MOK: variants seen among roughly 807,000 people sequenced by gnomAD.
MOK encodes MOK protein kinase.
MOK carries 59 observed loss-of-function variants against 54.2 expected under a neutral mutation model. The observed-to-expected ratio is 1.09, with a 90% CI of 0.88 to 1.35. The LOEUF (loss-of-function observed/expected upper bound fraction) is 1.35. Among genes scored for constraint, MOK ranks in the 40% most tolerant of loss-of-function variants. The pLI is 0.00. For synonymous variants in MOK, 210 were observed against 202.7 expected, an observed-to-expected ratio of 1.04 and a Z score of -0.31; for missense variants, 517 against 526.2, an observed-to-expected ratio of 0.98 and a Z score of 0.17.
downstream of MOK, chr14:102,225,435 G>T (rs772727231): frequency 2.6e-5 from 4 of 152,190 alleles, no homozygotes; most frequent in Non-Finnish European, 5.9e-5. Context: ...GAAGTGGCAG[G>T]TGAAAGTTTA....
In MOK at chr14:102,281,085, A is replaced by G. The variant is rs10140129; in HGVS notation, c.122+2393T>C. ...ACACCTGTAATCCCTGCACTTTGGG[A>G]GGCCAAGGTGGGCAGATCACTTGAG... On this transcript the variant is annotated intron_variant, in intron 2 of 11. Transcript: ENST00000361847. Among the ~76,000 whole-genome samples, 1,103 of 152,266 alleles carry G rather than the reference A, an allele frequency of 7.2e-3. 14 individuals are homozygous for G. The highest frequency in any genetic ancestry group is 0.025 in the African/African-American group (1,052 of 41,560).
chr14:102,219,372 G>A, the MOK span, among the ~76,000 whole-genome samples: 29 of 152,332 alleles, frequency 1.9e-4, no homozygotes, highest in East Asian at 1.9e-3. Flanking sequence ...GCAGGGCGCC[G>A]AGGCCCCTTC....
In MOK at chr14:102,251,924, T is replaced by G; in HGVS notation, c.355A>C (p.Ile119Leu). 1 of 1,601,228 alleles carries G rather than the reference T, an allele frequency of 6.2e-7. No homozygotes were observed. ...MYQLCKSLDHIHRNGIFHRDV... is the reference protein window; with the variant it reads ...MYQLCKSLDHLHRNGIFHRDV... ...AAATCTCCGAGAGCATACCTGTGAA[T>G]ATGATCCAGGGACTTACATAACTGG... Residue 119 changes from isoleucine (I) to leucine (L), a missense_variant, in exon 5 of 12, where the codon ATT (isoleucine) becomes CTT (leucine). Coordinates refer to ENST00000361847, the MANE Select transcript of MOK (RefSeq NM_014226.3).
At chr14:102,273,631 T>G (rs889966363) in intron 2 of MOK, among the ~76,000 whole-genome samples, 3 of 151,948 alleles carry the variant, frequency 2.0e-5, no homozygotes, top group African/African-American at 7.3e-5. Flanking sequence ...ATACAAAAAT[T>G]AGCTGGGCAT....
rs2064454211 is a variant in MOK at position 102,229,468 on chromosome 14, C to T, written c.1171G>A (p.Ala391Thr). 6.2e-7 allele frequency: 1 copy of T among 1,614,180 alleles called. No individual in the cohort carries two copies. The highest frequency in any genetic ancestry group is 1.1e-5 in the South Asian group (1 of 91,092). Reference protein sequence around the residue: ...PVLRPLKCIPASKKTDPQKDL... With the variant: ...PVLRPLKCIPTSKKTDPQKDL... The stretch of plus-strand genomic sequence containing the variant: ...TGGTTCCGCGCTACCTTCTTGCTCG[C>T]AGGGATGCACTTCAAGGGTCTCAGC... The change falls in exon 11 of 12, where the codon GCG becomes ACG. Residue 391 changes from alanine to threonine, a missense_variant. By Grantham distance (58) the Ala-to-Thr change is moderately conservative. Coordinates refer to ENST00000361847, the MANE Select transcript of MOK (RefSeq NM_014226.3).
At chr14:102,273,275 T>C (rs1315140947) in intron 2 of MOK, among the ~76,000 whole-genome samples, 1 of 117,134 alleles carries the variant, frequency 8.5e-6, no homozygotes, top group African/African-American at 3.6e-5. Context: ...CAAAACATAC[T>C]AGAACAAAAA....
At chr14:102,224,037 ATTTTTTT>A (rs533802492), downstream of MOK, among the ~76,000 whole-genome samples, 2 of 123,124 alleles carry the variant, frequency 1.6e-5, no homozygotes, top group South Asian at 2.7e-4. Context: ...TTTACCTGAG[ATTTTTTT>A]TTTTTTTTTT....
chr14:102,225,966 G>A (rs556957378), downstream of MOK: 6 of 308,864 alleles, frequency 1.9e-5, no homozygotes, highest in South Asian at 2.5e-4. Context: ...CGGGGATTAG[G>A]CCCAGAAGAA....
At chr14:102,287,159 G>C (rs1278742898) in intron 1 of MOK, among the ~76,000 whole-genome samples, 1 of 152,232 alleles carries the variant, frequency 6.6e-6, no homozygotes, top group Non-Finnish European at 1.5e-5. Context: ...GATCACTGCT[G>C]AAATTCGGTG....
In MOK at chr14:102,241,555, G is replaced by A. The variant is rs137898108; in HGVS notation, c.591-7766C>T. Among the ~76,000 whole-genome samples the A allele has an allele frequency of 5.7e-3, 867 of 152,250 alleles. 18 individuals are homozygous for A. The highest frequency in any genetic ancestry group is 0.035 in the East Asian group (180 of 5,176). ...AAAAACTCAACCCAGTTCATGGCCC[G>A]TTTGGCAACAACCCTTAGATGCTTT... On this transcript the variant is annotated intron_variant, in intron 7 of 11. Transcript: ENST00000361847.
intron 1 of MOK, among the ~76,000 whole-genome samples, chr14:102,298,784 C>G (rs1359916131): frequency 6.6e-6 from 1 of 152,202 alleles, no homozygotes; most frequent in Non-Finnish European, 1.5e-5. Context: ...CTGCTACTCA[C>G]TCTTTGGGTC....
At position 102,283,527 on chromosome 14, in the gene MOK, T is replaced by C; in HGVS notation, c.73A>G (p.Arg25Gly). The change falls in exon 2 of 12, where the codon AGA (arginine) becomes GGA (glycine). Residue 25 changes from arginine to glycine, a missense_variant. Physicochemically the swap from Arg to Gly is moderately radical, Grantham distance 125. Coordinates refer to ENST00000361847, the MANE Select transcript of MOK (RefSeq NM_014226.3). Reference sequence around the variant, plus strand: ...TTACATGCATAGTAGTTTCCATCTCTCAGGCTTTGCATCTTCATAACTTCA... The same window carrying C: ...TTACATGCATAGTAGTTTCCATCTCCCAGGCTTTGCATCTTCATAACTTCA... ...FSEVMKMQSL[R>G]DGNYYACKQM... 1 of 1,612,748 alleles carries C rather than the reference T, an allele frequency of 6.2e-7. No homozygotes were observed. The highest frequency in any genetic ancestry group is 8.5e-7 in the Non-Finnish European group (1 of 1,179,850).
chr14:102,259,508 G>C (rs576834200), intron 4 of MOK, among the ~76,000 whole-genome samples: 8 of 152,162 alleles, frequency 5.3e-5, no homozygotes, highest in Non-Finnish European at 1.2e-4. Flanking sequence ...TTTATTAACA[G>C]CTTAATTTTG....
chr14:102,286,047 C>T (rs539141988), intron 1 of MOK, among the ~76,000 whole-genome samples: 30 of 152,092 alleles, frequency 2.0e-4, no homozygotes, highest in Non-Finnish European at 3.8e-4. Flanking sequence ...CGCCTGTAAT[C>T]CCAGCACTTT....
chr14:102,232,532 T>C lies in MOK; in HGVS notation c.866+3A>G, dbSNP rs752461866. On this transcript the variant is annotated splice_donor_region_variant and intron_variant, in intron 9 of 11. Transcript: ENST00000361847. The surrounding 1 kb of genome is among the most constrained non-coding windows in gnomAD (Gnocchi z 5.1). ...GCCCCACCGAACCCACGAGAGTGCC[T>C]ACCTCTGTTCTTGGAAGTAGGGGTG... 6.2e-6 allele frequency: 10 copies of C among 1,612,108 alleles called. No individual in the cohort carries two copies. In the Admixed American group the frequency reaches 1.2e-4, roughly 19 times the overall value.
At chr14:102,223,928 ACTCCGAGTC>A (rs1419798412), downstream of MOK, among the ~76,000 whole-genome samples, 1 of 151,256 alleles carries the variant, frequency 6.6e-6, no homozygotes, top group African/African-American at 2.4e-5. Context: ...TTTCCATACA[ACTCCGAGTC>A]CTCCTTTCGT....
intron 4 of MOK, among the ~76,000 whole-genome samples, chr14:102,256,022 C>T (rs1031777678): frequency 2.6e-5 from 4 of 152,198 alleles, no homozygotes; most frequent in South Asian, 2.1e-4. Context: ...TGCAGAATGA[C>T]GGCATCCCCA....
intron 2 of MOK, 28 bp downstream of exon 2, chr14:102,283,450 T>C (rs761032493): frequency 1.4e-6 from 2 of 1,460,816 alleles, no homozygotes; most frequent in South Asian, 1.2e-5. Context: ...GATCTGTGTT[T>C]GGTCCCAAGT....
chr14:102,304,911 T>G (rs757370228), intron 1 of MOK, 51 bp downstream of exon 1: 129 of 522,056 alleles, frequency 2.5e-4, no homozygotes, highest in Non-Finnish European at 3.6e-4. Context: ...AGTCCCTCCC[T>G]CCCCCGCCAC....
Sources: allele counts gnomAD v4.1 joint callset (sites outside exome capture counted in the v4.1 genomes callset), GRCh38; gene constraint gnomAD v4.1.1; non-coding constraint Gnocchi (gnomAD v3.1); transcripts MANE v1.5; gene names NCBI Gene and HGNC (gene_info 2026-07-23, HGNC 2026-07-21).